Variants in GRB10 observed in about 807,000 individuals in gnomAD.
GRB10 encodes growth factor receptor-bound protein 10.
A neutral mutation model predicts 80.9 loss-of-function variants in GRB10; 20 were observed. That is an observed-to-expected ratio of 0.25 (90% CI 0.17 to 0.36). The LOEUF (loss-of-function observed/expected upper bound fraction) is 0.36, where lower values mean the gene tolerates loss of function less well. Among genes scored for constraint, GRB10 ranks in the 10% least tolerant of loss-of-function variants. GRB10 has a pLI of 1.00. For missense variants in GRB10, 548 were observed against 747.7 expected (o/e 0.73, Z 3.12); for synonymous variants, 291 against 291.5 (o/e 1.00, Z 0.02).
intron 4 of GRB10, among the ~76,000 whole-genome samples, chr7:50,717,736 T>A (rs1317215641): frequency 6.6e-6 from 1 of 152,186 alleles, no homozygotes; most frequent in African/African-American, 2.4e-5. Context: ...CAACCAGGTG[T>A]TTAGATGGAA....
At chr7:50,723,942 G>C (rs1406285732) in intron 4 of GRB10, among the ~76,000 whole-genome samples, 1 of 152,264 alleles carries the variant, frequency 6.6e-6, no homozygotes, top group African/African-American at 2.4e-5. Context: ...ACGCCCTAGT[G>C]CAGTGGCAAG....
intron 8 of GRB10, among the ~76,000 whole-genome samples, chr7:50,620,767 C>A (rs977969453): frequency 6.6e-6 from 1 of 152,146 alleles, no homozygotes; most frequent in Non-Finnish European, 1.5e-5. Flanking sequence ...CAAGAACATG[C>A]AACAAAAACT....
chr7:50,593,226 G>A, intron 18 of GRB10, 128 bp from the exon 19 acceptor site: 1 of 1,061,606 alleles, frequency 9.4e-7, no homozygotes, highest in Non-Finnish European at 1.4e-6. Context: ...GGCAAGGTAG[G>A]CTAGAAAACA....
At chr7:50,616,084 AG>A (rs2050585713) in intron 11 of GRB10, 125 bp downstream of exon 11, 4 of 1,064,720 alleles carry the variant, frequency 3.8e-6, no homozygotes, top group Non-Finnish European at 4.3e-6. Flanking sequence ...TAGCTTATTA[AG>A]AAGTTGTCCT....
exon 1 of GRB10, chr7:50,793,230 C>A (rs2079011770): frequency 6.8e-6 from 1 of 146,302 alleles, no homozygotes; most frequent in African/African-American, 2.5e-5. Context: ...GTACCTGCCG[C>A]GCGCGGCTCC....
intron 4 of GRB10, among the ~76,000 whole-genome samples, chr7:50,719,329 C>T (rs1187113818): frequency 6.6e-6 from 1 of 152,174 alleles, no homozygotes; most frequent in Non-Finnish European, 1.5e-5. Flanking sequence ...AATATCACTG[C>T]AGGCAGAGAC....
intron 7 of GRB10, among the ~76,000 whole-genome samples, chr7:50,631,895 T>C (rs2054067118): frequency 6.6e-6 from 1 of 152,102 alleles, no homozygotes; most frequent in Admixed American, 6.5e-5. Flanking sequence ...GGAGCCAGGA[T>C]CTAACCAGGG....
intron 3 of GRB10, among the ~76,000 whole-genome samples, chr7:50,750,410 C>A (rs1194563725): frequency 6.6e-6 from 1 of 152,190 alleles, no homozygotes; most frequent in African/African-American, 2.4e-5. Context: ...GGCTTTCCTG[C>A]ACCGTTTCTT....
chr7:50,622,685 A>G (rs2052031136), intron 8 of GRB10, among the ~76,000 whole-genome samples: 1 of 152,116 alleles, frequency 6.6e-6, no homozygotes, highest in Admixed American at 6.5e-5. Context: ...TGCCCCCCAC[A>G]TTCCCAGGGA....
At chr7:50,755,607 T>C (rs573756933) in intron 3 of GRB10, among the ~76,000 whole-genome samples, 3 of 152,186 alleles carry the variant, frequency 2.0e-5, no homozygotes, top group East Asian at 1.9e-4. Flanking sequence ...CCCAGAGGCA[T>C]GTCCGCGAGG....
chr7:50,784,089 G>A (rs2078579538), upstream of GRB10, among the ~76,000 whole-genome samples: 1 of 152,250 alleles, frequency 6.6e-6, no homozygotes, highest in African/African-American at 2.4e-5. Context: ...TTTTCTCACA[G>A]TCCGGGCTGA....
chr7:50,719,856 G>GTT (rs74497044), intron 4 of GRB10, among the ~76,000 whole-genome samples: 1 of 147,546 alleles, frequency 6.8e-6, no homozygotes, highest in Admixed American at 6.8e-5. Context: ...CCTTTTATAG[G>GTT]TTTTTTTTTT....
chr7:50,731,954 G>A (rs10225052), intron 4 of GRB10, among the ~76,000 whole-genome samples: 13,507 of 152,270 alleles, frequency 0.089, 1,983 homozygotes, highest in African/African-American at 0.31. Context: ...AAAACACAGT[G>A]AGTGCTTGCT....
intron 7 of GRB10, among the ~76,000 whole-genome samples, chr7:50,657,988 A>G (rs956117): frequency 0.087 from 13,312 of 152,326 alleles, 889 homozygotes; most frequent in Non-Finnish European, 0.11. Flanking sequence ...CAGAAAAGAC[A>G]TGGAGGAAAA....
chr7:50,616,106 G>C, intron 11 of GRB10, 104 bp downstream of exon 11: 1 of 1,274,988 alleles, frequency 7.8e-7, no homozygotes, highest in Non-Finnish European at 1.1e-6. Context: ...GAGCTTGGAG[G>C]AGTCTAAGGT....
intron 17 of GRB10, among the ~76,000 whole-genome samples, chr7:50,598,603 A>G (rs984021861): frequency 6.6e-6 from 1 of 152,204 alleles, no homozygotes; most frequent in African/African-American, 2.4e-5. Flanking sequence ...TGATACTGTT[A>G]TCTTCATTTC....
intron 4 of GRB10, among the ~76,000 whole-genome samples, chr7:50,708,596 T>C (rs996353882): frequency 1.3e-4 from 20 of 152,062 alleles, no homozygotes; most frequent in African/African-American, 4.3e-4. Flanking sequence ...TAGTTTTTGT[T>C]TGTCTGTGTG....
chr7:50,696,162 TACATGCACAC>T (rs1455819074), intron 5 of GRB10, among the ~76,000 whole-genome samples: 8 of 152,352 alleles, frequency 5.3e-5, no homozygotes, highest in African/African-American at 1.9e-4. Flanking sequence ...GAAATGGATA[TACATGCACAC>T]ACATGCACAC....
intron 4 of GRB10, among the ~76,000 whole-genome samples, chr7:50,713,324 C>T (rs2066201297): frequency 6.6e-6 from 1 of 151,858 alleles, no homozygotes. Flanking sequence ...CAGCACTCCA[C>T]CCCTTCCCAC....
Sources: gnomAD v4.1 joint callset for allele counts (sites outside exome capture counted in the v4.1 genomes callset) on GRCh38, gnomAD v4.1.1 for gene constraint, MANE v1.5 for transcripts, NCBI Gene and HGNC (gene_info 2026-07-23, HGNC 2026-07-21) for gene names.